NR2F2: variants seen among roughly 807,000 people sequenced by gnomAD.
NR2F2 encodes COUP transcription factor 2.
Under a neutral mutation model 34.8 loss-of-function variants are expected in NR2F2, and 2 were observed. The observed-to-expected ratio is 0.06, with a 90% CI of 0.02 to 0.18. NR2F2 has a LOEUF of 0.18. Ranked by LOEUF, NR2F2 falls within the 10% of genes least tolerant of loss-of-function variation. The probability of loss-of-function intolerance (pLI) is 1.00; values close to 1 mark genes in which losing one functional copy is unlikely to be tolerated. For synonymous variants in NR2F2, 274 were observed against 251.8 expected (o/e 1.09, Z -0.84); for missense variants, 300 against 580.1 (o/e 0.52, Z 4.96).
upstream of NR2F2, among the ~76,000 whole-genome samples, chr15:96,328,144 C>G (rs1218492524): frequency 6.6e-6 from 1 of 151,984 alleles, no homozygotes; most frequent in Admixed American, 6.6e-5. Context: ...TTTTTTCTCC[C>G]TTGTAACAGC....
chr15:96,326,797 T>C (rs1399191955), upstream of NR2F2, among the ~76,000 whole-genome samples: 1 of 152,164 alleles, frequency 6.6e-6, no homozygotes. The surrounding 1 kb of genome is among the most constrained non-coding windows in gnomAD (Gnocchi z 5.5). Context: ...CAGAATTTAC[T>C]GTTCGCTTTG....
At chr15:96,329,350 A>G (rs1899069267), upstream of NR2F2, among the ~76,000 whole-genome samples, 1 of 152,244 alleles carries the variant, frequency 6.6e-6, no homozygotes, top group African/African-American at 2.4e-5. Flanking sequence ...CCTGGAATTC[A>G]AAGACACAAC....
chr15:96,326,319 G>C (rs1398552911), upstream of NR2F2: 3 of 1,613,776 alleles, frequency 1.9e-6, no homozygotes, highest in Non-Finnish European at 1.7e-6. This position sits in a 1 kb window ranked among gnomAD's most constrained non-coding sequence, Gnocchi z 5.5. Flanking sequence ...GATGCAAGCG[G>C]TTTGGGACCT....
Position 96,331,936 on chromosome 15 carries a change from C to G in NR2F2, c.-170C>G. ...CAAAAACAAAAAAGGAAAAACTAAC[C>G]AACCTCAACCAACCAGCCCCCGAGC... is the stretch of plus-strand genomic sequence containing the variant. On this transcript the variant is annotated 5_prime_UTR_variant, in exon 1 of 3. Transcript: ENST00000394166. 1 of 1,208,660 alleles carries G rather than the reference C, an allele frequency of 8.3e-7. No homozygotes were observed. Among genetic ancestry groups the G allele is most frequent in the Non-Finnish European group, 1.0e-6 (1 of 973,402 alleles). The allele number at this position is 1,208,660 out of a possible 1,614,324, so 74.9% of individuals were successfully genotyped here. A position where few individuals can be genotyped will look rare whatever the true frequency, so the allele number is the denominator to read the frequency against.
At chr15:96,336,590 G>A (rs554069306) in intron 2 of NR2F2, among the ~76,000 whole-genome samples, 4 of 151,364 alleles carry the variant, frequency 2.6e-5, no homozygotes, top group Admixed American at 1.3e-4. Flanking sequence ...GTATTTTCAC[G>A]TATCAAAAAA....
chr15:96,333,579 G>GCCTGCATGCTTC, intron 1 of NR2F2: 3 of 1,013,070 alleles, frequency 3.0e-6, no homozygotes, highest in Admixed American at 5.1e-5. Flanking sequence ...TTCCCCGCCG[G>GCCTGCATGCTTC]GCTGGGGCTG....
At position 96,330,853 on chromosome 15, in the gene NR2F2, T is replaced by TC; in HGVS notation, c.-1252dup. The TC allele has an allele frequency of 8.6e-7, 1 of 1,157,544 alleles. No individual in the cohort carries two copies. The highest frequency in any genetic ancestry group is 1.1e-6 in the Non-Finnish European group (1 of 939,642). 71.7% of individuals were successfully genotyped at this position (1,157,544 alleles called of 1,614,324 possible). A position where few individuals can be genotyped will look rare whatever the true frequency, so the allele number is the denominator to read the frequency against. On this transcript the variant is annotated 5_prime_UTR_variant, in exon 1 of 3. Coordinates refer to ENST00000394166, the MANE Select transcript of NR2F2 (RefSeq NM_021005.4). Reference sequence around the variant, plus strand: ...GTGTGTTTTCTTCTTCTCCTCCTCCTCTCCCCGAGTTGCCTCCTTTCTCCG... The same window carrying TC: ...GTGTGTTTTCTTCTTCTCCTCCTCCTCCTCCCCGAGTTGCCTCCTTTCTCCG...
At position 96,331,054 on chromosome 15, in the gene NR2F2, C is replaced by A; in HGVS notation, c.-1052C>A. The stretch of plus-strand genomic sequence containing the variant: ...CCCTATGTGTGTGAGGCGGCGGCGG[C>A]AGCAGCAGCAGCAGCGGCTCCGGCG... On this transcript the variant is annotated 5_prime_UTR_variant, in exon 1 of 3. Coordinates refer to ENST00000394166, the MANE Select transcript of NR2F2 (RefSeq NM_021005.4). The A allele has an allele frequency of 8.3e-7, 1 of 1,198,980 alleles. No individual in the cohort carries two copies. The highest frequency in any genetic ancestry group is 1.0e-6 in the Non-Finnish European group (1 of 966,338). 74.3% of individuals were successfully genotyped at this position (1,198,980 alleles called of 1,614,324 possible).
chr15:96,326,237 CT>C, upstream of NR2F2: 1 of 1,240,650 alleles, frequency 8.1e-7, no homozygotes, highest in Non-Finnish European at 1.2e-6. The surrounding 1 kb of genome is among the most constrained non-coding windows in gnomAD (Gnocchi z 5.5). Context: ...AAAGACACAT[CT>C]TTTCAGGGGG....
chr15:96,332,103 G>C lies in NR2F2; in HGVS notation c.-3G>C. 1 of 1,324,484 alleles carries C rather than the reference G, an allele frequency of 7.6e-7. No homozygotes were observed. The highest frequency in any genetic ancestry group is 9.6e-7 in the Non-Finnish European group (1 of 1,037,090). The allele number at this position is 1,324,484 out of a possible 1,614,324, so 82.0% of individuals were successfully genotyped here. ...AGGAAGTCCGGACGCAGCCCCCATA[G>C]ATATGGCAATGGTAGTCAGCACGTG... On this transcript the variant is annotated 5_prime_UTR_variant, in exon 1 of 3. Coordinates refer to ENST00000394166, the MANE Select transcript of NR2F2 (RefSeq NM_021005.4).
At chr15:96,335,929 G>GTTCC (rs1899312270) in intron 2 of NR2F2, among the ~76,000 whole-genome samples, 1 of 152,178 alleles carries the variant, frequency 6.6e-6, no homozygotes, top group Admixed American at 6.5e-5. Flanking sequence ...TCTGGGCAGG[G>GTTCC]AAGCTGTTTG....
intron 2 of NR2F2, among the ~76,000 whole-genome samples, chr15:96,335,703 T>G (rs1034679445): frequency 1.8e-4 from 27 of 152,194 alleles, no homozygotes; most frequent in Non-Finnish European, 3.2e-4. Context: ...CGAGGAGAGA[T>G]GTGTAGTTTA....
chr15:96,333,552 GTC>G, intron 1 of NR2F2: 10 of 1,011,380 alleles, frequency 9.9e-6, no homozygotes, highest in Non-Finnish European at 1.2e-5. Flanking sequence ...CTCTCTGCTT[GTC>G]TCTCACTGGG....
rs150869148 is a variant in NR2F2, at chr15:96,334,371, C to T, written c.738C>T (p.Arg246=). Residue 246 remains arginine, a synonymous_variant, in exon 2 of 3, where the codon CGC becomes CGT. Transcript: ENST00000394166. ...LQITDQVALL[R]LTWSELFVLN... is the part of the protein sequence containing the mutation. Reference sequence around the variant, plus strand: ...TCACGGACCAGGTGGCCCTGCTTCGCCTCACCTGGAGCGAGCTGTTTGTGT... The same window carrying T: ...TCACGGACCAGGTGGCCCTGCTTCGTCTCACCTGGAGCGAGCTGTTTGTGT... 1 of 1,614,192 alleles carries T rather than the reference C, an allele frequency of 6.2e-7. No homozygotes were observed. Among genetic ancestry groups the T allele is most frequent in the African/African-American group, 1.3e-5 (1 of 75,056 alleles).
In NR2F2 at chr15:96,337,724, T is replaced by A. The variant is rs1899376282; in HGVS notation, c.*102T>A. On this transcript the variant is annotated 3_prime_UTR_variant, in exon 3 of 3. Coordinates refer to ENST00000394166, the MANE Select transcript of NR2F2 (RefSeq NM_021005.4). ...GTTAAGAAAGGATATAAAAGGATGT[T>A]ACAAGTTTGCTAAAAGAAGAGAGGG... 2.6e-6 allele frequency: 3 copies of A among 1,168,764 alleles called. No individual in the cohort carries two copies. The highest frequency in any genetic ancestry group is 3.5e-6 in the Non-Finnish European group (3 of 862,970). 72.4% of individuals were successfully genotyped at this position (1,168,764 alleles called of 1,614,324 possible).
At position 96,339,387 on chromosome 15, in the gene NR2F2, C is replaced by G. The variant is rs1899433738; in HGVS notation, c.*1765C>G. 6.6e-6 allele frequency: 1 copy of G among 152,106 alleles called. No homozygotes were observed. The highest frequency in any genetic ancestry group is 2.4e-5 in the African/African-American group (1 of 41,412). 9.4% of individuals were successfully genotyped at this position (152,106 alleles called of 1,614,324 possible). A position where few individuals can be genotyped will look rare whatever the true frequency, so the allele number is the denominator to read the frequency against. On this transcript the variant is annotated 3_prime_UTR_variant, in exon 3 of 3. Coordinates refer to ENST00000394166, the MANE Select transcript of NR2F2 (RefSeq NM_021005.4). ...TGAGAGAGTTTCAAATTCAGTGATA[C>G]AGGTTCTAAGACTGAAAGGTCTACT...
At position 96,337,633 on chromosome 15, in the gene NR2F2, TAAG is replaced by T. The variant is rs763409291; in HGVS notation, c.*15_*17del. 3.7e-6 allele frequency: 6 copies of T among 1,608,264 alleles called. No homozygotes were observed. The highest frequency in any genetic ancestry group is 5.1e-6 in the Non-Finnish European group (6 of 1,176,314). On this transcript the variant is annotated 3_prime_UTR_variant, in exon 3 of 3. Coordinates refer to ENST00000394166, the MANE Select transcript of NR2F2 (RefSeq NM_021005.4). The stretch of plus-strand genomic sequence containing the variant: ...ATGGCAATTCAATAAATAAATAAAA[TAAG>T]AAGGGGGAGTGAAACAGAGAAAGAA...
Position 96,337,727 on chromosome 15 carries a change from A to C in NR2F2, c.*105A>C. On this transcript the variant is annotated 3_prime_UTR_variant, in exon 3 of 3. Transcript: ENST00000394166. ...AAGAAAGGATATAAAAGGATGTTAC[A>C]AGTTTGCTAAAAGAAGAGAGGGGAA... 1 of 1,157,092 alleles carries C rather than the reference A, an allele frequency of 8.6e-7. No individual in the cohort carries two copies. Among genetic ancestry groups the C allele is most frequent in the Non-Finnish European group, 1.2e-6 (1 of 848,376 alleles). 71.7% of individuals were successfully genotyped at this position (1,157,092 alleles called of 1,614,324 possible). A position where few individuals can be genotyped will look rare whatever the true frequency, so the allele number is the denominator to read the frequency against.
upstream of NR2F2, among the ~76,000 whole-genome samples, chr15:96,327,715 G>C (rs983599308): frequency 6.6e-6 from 1 of 152,208 alleles, no homozygotes. Flanking sequence ...TTTCTACTGA[G>C]TTCAGAGTTA....
Sources: allele counts gnomAD v4.1 joint callset (sites outside exome capture counted in the v4.1 genomes callset), GRCh38; gene constraint gnomAD v4.1.1; non-coding constraint Gnocchi (gnomAD v3.1); transcripts MANE v1.5; gene names NCBI Gene and HGNC (gene_info 2026-07-23, HGNC 2026-07-21).